Variants in FHOD3 observed in about 807,000 individuals in gnomAD.
The protein encoded by FHOD3 is FH1/FH2 domain-containing protein 3.
Under a neutral mutation model 173.0 loss-of-function variants are expected in FHOD3, and 90 were observed. That is an observed-to-expected ratio of 0.52 (90% CI 0.44 to 0.62). The LOEUF is 0.62. Ranked by LOEUF, FHOD3 falls within the 20% of genes least tolerant of loss-of-function variation. FHOD3 has a pLI of 0.00. For synonymous variants in FHOD3, 828 were observed against 823.0 expected, an observed-to-expected ratio of 1.01 and a Z score of -0.10; for missense variants, 1,945 against 2,034.7, an observed-to-expected ratio of 0.96 and a Z score of 0.85.
At chr18:36,327,211 G>A (rs577204389) in intron 1 of FHOD3, among the ~76,000 whole-genome samples, 7 of 152,198 alleles carry the variant, frequency 4.6e-5, no homozygotes, top group Non-Finnish European at 8.8e-5. Context: ...CCTTTGTTTC[G>A]ATTGTTAAAA....
chr18:36,512,652 TA>T, intron 5 of FHOD3, 109 bp downstream of exon 5: 1 of 780,326 alleles, frequency 1.3e-6, no homozygotes, highest in South Asian at 1.5e-5. Flanking sequence ...GATTTGAGAG[TA>T]AGGTGGTAAA....
At chr18:36,387,887 C>A (rs1469971934) in intron 3 of FHOD3, among the ~76,000 whole-genome samples, 1 of 151,930 alleles carries the variant, frequency 6.6e-6, no homozygotes, top group Non-Finnish European at 1.5e-5. Flanking sequence ...GTGACCATTA[C>A]AGGAAGGGGT....
chr18:36,344,487 G>C (rs1189595245), intron 1 of FHOD3, among the ~76,000 whole-genome samples: 1 of 152,074 alleles, frequency 6.6e-6, no homozygotes, highest in African/African-American at 2.4e-5. Context: ...CACTAATTTA[G>C]AGTAGTTTTT....
At chr18:36,483,430 C>G (rs1263596451) in intron 3 of FHOD3, among the ~76,000 whole-genome samples, 1 of 152,132 alleles carries the variant, frequency 6.6e-6, no homozygotes, top group African/African-American at 2.4e-5. Flanking sequence ...TACTAAGATC[C>G]CACCCACTCT....
intron 3 of FHOD3, among the ~76,000 whole-genome samples, chr18:36,402,297 T>C (rs898212167): frequency 2.0e-5 from 3 of 152,162 alleles, no homozygotes; most frequent in Non-Finnish European, 2.9e-5. Flanking sequence ...TGGCTCATTA[T>C]AGATTAATAC....
chr18:36,406,089 G>GTTTTTTTTTTTTTT (rs763484942), intron 3 of FHOD3, among the ~76,000 whole-genome samples: 2 of 135,720 alleles, frequency 1.5e-5, no homozygotes, highest in African/African-American at 3.0e-5. Flanking sequence ...TTTTGTTTTT[G>GTTTTTTTTTTTTTT]TTTTTGTTTT....
At chr18:36,401,312 T>G (rs1162823755) in intron 3 of FHOD3, among the ~76,000 whole-genome samples, 5 of 152,208 alleles carry the variant, frequency 3.3e-5, no homozygotes, top group Admixed American at 3.3e-4. Context: ...GTGCTACCTA[T>G]AAGGAACAAG....
chr18:36,477,058 T>C (rs1003641858), intron 3 of FHOD3, among the ~76,000 whole-genome samples: 3 of 152,136 alleles, frequency 2.0e-5, no homozygotes, highest in Non-Finnish European at 4.4e-5. Context: ...GGGCAGGAGT[T>C]ATCTGGTGAG....
At chr18:36,538,626 C>T (rs989716532) in intron 5 of FHOD3, among the ~76,000 whole-genome samples, 1 of 152,168 alleles carries the variant, frequency 6.6e-6, no homozygotes, top group Admixed American at 6.5e-5. Flanking sequence ...TGGAATACAA[C>T]TCAGCAATGA....
At chr18:36,508,672 G>C (rs1420209989) in intron 4 of FHOD3, among the ~76,000 whole-genome samples, 1 of 148,136 alleles carries the variant, frequency 6.8e-6, no homozygotes, top group Non-Finnish European at 1.5e-5. Flanking sequence ...ACAGGTGAAA[G>C]ATGCTAGCAA....
rs556741980 is a variant in FHOD3, at chr18:36,358,266, G to T, written c.272+2621G>T. 3.9e-5 allele frequency among the ~76,000 whole-genome samples: 6 copies of T among 152,326 alleles called. No homozygotes were observed. In the South Asian group the frequency reaches 1.2e-3, roughly 32 times the overall value. On this transcript the variant is annotated intron_variant, in intron 2 of 28. Coordinates refer to ENST00000590592, the MANE Select transcript of FHOD3 (RefSeq NM_001281740.3). ...TGGCACCTTTGGTGGCATGAGGTTGGTTCCTGCAAGGACAATTGGTCCTGG... is the reference window on the plus strand; with the variant it reads ...TGGCACCTTTGGTGGCATGAGGTTGTTTCCTGCAAGGACAATTGGTCCTGG...
At chr18:36,368,965 G>A (rs1055837300) in intron 2 of FHOD3, among the ~76,000 whole-genome samples, 2 of 152,114 alleles carry the variant, frequency 1.3e-5, no homozygotes, top group African/African-American at 4.8e-5. Context: ...GGGACACAAA[G>A]CCTAACCCTA....
At chr18:36,779,366 G>T (rs2043935208) in intron 28 of FHOD3, 82 bp from the exon 29 acceptor site, 1 of 1,248,088 alleles carries the variant, frequency 8.0e-7, no homozygotes, top group Non-Finnish European at 1.2e-6. Context: ...GGGGGGACTG[G>T]AGTCTTGACT....
chr18:36,574,897 A>C (rs1165947048), intron 5 of FHOD3, among the ~76,000 whole-genome samples: 2 of 152,052 alleles, frequency 1.3e-5, no homozygotes, highest in Non-Finnish European at 2.9e-5. Context: ...ATAATTTTTA[A>C]ATTTTTTGAG....
chr18:36,384,212 C>A (rs28488201), intron 3 of FHOD3, among the ~76,000 whole-genome samples: 163 of 152,132 alleles, frequency 1.1e-3, no homozygotes, highest in African/African-American at 3.9e-3. Flanking sequence ...AAACCCATCT[C>A]TACTAAAAAT....
intron 9 of FHOD3, among the ~76,000 whole-genome samples, chr18:36,614,307 AC>A (rs1436535163): frequency 1.4e-4 from 22 of 152,172 alleles, no homozygotes; most frequent in African/African-American, 4.8e-4. Context: ...TTCAAGGTTC[AC>A]CTACGTTTGC....
chr18:36,367,289 C>G (rs2145976898), intron 2 of FHOD3, among the ~76,000 whole-genome samples: 1 of 152,302 alleles, frequency 6.6e-6, no homozygotes, highest in Non-Finnish European at 1.5e-5. Flanking sequence ...AGATAGTCCC[C>G]TTGGCACTTG....
At chr18:36,559,337 A>C (rs576716655) in intron 5 of FHOD3, among the ~76,000 whole-genome samples, 7 of 152,330 alleles carry the variant, frequency 4.6e-5, no homozygotes, top group Non-Finnish European at 1.0e-4. Context: ...CAGCAGAAAG[A>C]AGAATGAGTT....
chr18:36,531,666 A>G (rs1029509769), intron 5 of FHOD3, among the ~76,000 whole-genome samples: 2 of 152,252 alleles, frequency 1.3e-5, no homozygotes, highest in African/African-American at 2.4e-5. Flanking sequence ...TTAATGCCAT[A>G]TGGATACAGC....
Sources: allele counts gnomAD v4.1 joint callset (sites outside exome capture counted in the v4.1 genomes callset), GRCh38; gene constraint gnomAD v4.1.1; transcripts MANE v1.5; gene names NCBI Gene and HGNC (gene_info 2026-07-23, HGNC 2026-07-21).